C19orf18: variants seen among roughly 807,000 people sequenced by gnomAD.
C19orf18 encodes uncharacterized protein C19orf18.
Under a neutral mutation model 23.3 loss-of-function variants are expected in C19orf18, and 21 were observed. The ratio of observed to expected loss-of-function variants is 0.90; its 90% CI spans 0.64 to 1.30. C19orf18 has a LOEUF of 1.30. Among genes scored for constraint, C19orf18 ranks in the 50% most tolerant of loss-of-function variants. The pLI, the probability that C19orf18 is intolerant of heterozygous loss-of-function variation, is 0.00. For missense variants in C19orf18, 249 were observed against 259.6 expected (o/e 0.96, Z 0.28); for synonymous variants, 96 against 95.2 (o/e 1.01, Z -0.05).
At chr19:57,958,841 T>C (rs2072846846) in intron 5 of C19orf18, 124 bp from the exon 6 acceptor site, 3 of 543,162 alleles carry the variant, frequency 5.5e-6, no homozygotes, top group South Asian at 5.3e-5. Flanking sequence ...AGAGGATTCA[T>C]AATGAATGTT....
chr19:57,966,501 A>G, intron 4 of C19orf18, 29 bp downstream of exon 4: 2 of 1,373,114 alleles, frequency 1.5e-6, no homozygotes, highest in East Asian at 2.3e-5. Context: ...TCATTTAAGG[A>G]CAGCAGATAT....
Position 57,961,541 on chromosome 19 carries a change from G to A in C19orf18, c.382C>T (p.Gln128Ter), listed in dbSNP as rs1457181135. ...AISYMIYRLA[Q>*]AEERQQLESL... is the part of the protein sequence containing the mutation. ...TCGAGCTGTTGTCTTTCCTCAGCCT[G>A]TGCCAGTCGACTGGAGAATGATATA... Residue 128 changes from glutamine (Q) to a stop codon, truncating the protein, a stop_gained, in exon 5 of 6, where the codon CAG (glutamine) becomes TAG (stop). Coordinates refer to ENST00000314391, the MANE Select transcript of C19orf18 (RefSeq NM_152474.5). LOFTEE classifies it high-confidence loss of function. The A allele has an allele frequency of 2.5e-6, 4 of 1,611,626 alleles. No individual in the cohort carries two copies. The highest frequency in any genetic ancestry group is 3.4e-6 in the Non-Finnish European group (4 of 1,179,406).
At position 57,974,396 on chromosome 19, in the gene C19orf18, A is replaced by G; in HGVS notation, c.37T>C (p.Leu13=). ...KVQSGFLILF[L]FLMECQLHLC... ...TGAAGTTGGCATTCCATTAAAAACA[A>G]AAACAAAATGAGGAAACCACTCTGA... Residue 13 remains leucine, a synonymous_variant, in exon 1 of 6, where the codon TTG becomes CTG. Transcript: ENST00000314391. 6.2e-7 allele frequency: 1 copy of G among 1,614,144 alleles called. No homozygotes were observed. Among genetic ancestry groups the G allele is most frequent in the Non-Finnish European group, 8.5e-7 (1 of 1,180,008 alleles).
intron 3 of C19orf18, among the ~76,000 whole-genome samples, chr19:57,969,586 AAAAAAAAAAACCAAG>A: frequency 6.9e-6 from 1 of 145,878 alleles, no homozygotes; most frequent in African/African-American, 2.5e-5. Flanking sequence ...AAAAAAAAAA[AAAAAAAAAAACCAAG>A]AAAAAAAACA....
intron 4 of C19orf18, among the ~76,000 whole-genome samples, chr19:57,965,655 G>A (rs1232141362): frequency 6.6e-6 from 1 of 152,132 alleles, no homozygotes; most frequent in African/African-American, 2.4e-5. Context: ...GGCTGAGGCA[G>A]GAGAATTGCT....
Position 57,969,252 on chromosome 19 carries a change from C to T in C19orf18, c.269-2620G>A, listed in dbSNP as rs945046458. Among the ~76,000 whole-genome samples the T allele has an allele frequency of 6.6e-5, 10 of 152,240 alleles. No homozygotes were observed. In the South Asian group the frequency reaches 2.1e-3, roughly 32 times the overall value. On this transcript the variant is annotated intron_variant, in intron 3 of 5. Transcript: ENST00000314391. Reference sequence around the variant, plus strand: ...TAAATCCCCCAGGTATATTTCAACACTCTAGGTTAAAAAGTAATTGCCAGC... The same window carrying T: ...TAAATCCCCCAGGTATATTTCAACATTCTAGGTTAAAAAGTAATTGCCAGC...
At chr19:57,961,229 C>T (rs998593100) in intron 5 of C19orf18, among the ~76,000 whole-genome samples, 162 bp downstream of exon 5, 3 of 145,314 alleles carry the variant, frequency 2.1e-5, no homozygotes, top group African/African-American at 5.2e-5. Flanking sequence ...AGTAAGAGTC[C>T]GTCTTAAAAA....
rs1331834348 is a variant in C19orf18, at chr19:57,974,193, C to T, written c.132G>A (p.Arg44=). 6.2e-7 allele frequency: 1 copy of T among 1,614,006 alleles called. No individual in the cohort carries two copies. The highest frequency in any genetic ancestry group is 8.5e-7 in the Non-Finnish European group (1 of 1,180,002). ...GNITGLPGSK[R]SQPPRNITKE... The stretch of plus-strand genomic sequence containing the variant: ...TGGTGATGTTTCTGGGTGGTTGTGA[C>T]CGTTTACTGCCTTGAAAAGAAAACT... Residue 44 remains arginine (R), a synonymous_variant, in exon 2 of 6, where the codon CGG becomes CGA. Coordinates refer to ENST00000314391, the MANE Select transcript of C19orf18 (RefSeq NM_152474.5).
chr19:57,971,697 G>A (rs1440175829), intron 3 of C19orf18, among the ~76,000 whole-genome samples: 1 of 152,016 alleles, frequency 6.6e-6, no homozygotes, highest in Admixed American at 6.6e-5. Context: ...TCTCGAACTC[G>A]TGACCTCAAG....
chr19:57,971,948 G>T (rs2072947462), intron 3 of C19orf18, among the ~76,000 whole-genome samples: 1 of 152,140 alleles, frequency 6.6e-6, no homozygotes, highest in African/African-American at 2.4e-5. Context: ...TAAAATGCTG[G>T]CTACATGTGA....
At chr19:57,958,821 T>C (rs1259041287) in intron 5 of C19orf18, 104 bp from the exon 6 acceptor site, 1 of 571,140 alleles carries the variant, frequency 1.8e-6, no homozygotes, top group Non-Finnish European at 3.0e-6. Flanking sequence ...GTACCAACAG[T>C]GGAATTTTCA....
rs59100128 is a variant in C19orf18 at position 57,969,566 on chromosome 19, G to GAAAAA, written c.268+2892_268+2896dup. ...TGAGACTCTGTCTTAAAAAAAAACA[G>GAAAAA]AAAAAAAAAAAAAAAAAAAAAAAAA... On this transcript the variant is annotated intron_variant, in intron 3 of 5. Transcript: ENST00000314391. Among the ~76,000 whole-genome samples the GAAAAA allele has an allele frequency of 1.5e-3, 69 of 46,502 alleles. 1 individual carries two copies. Among genetic ancestry groups the GAAAAA allele is most frequent in the African/African-American group, 4.6e-3 (48 of 10,532 alleles). The allele number at this position is 46,502 out of a possible 152,430, so 30.5% of individuals were successfully genotyped here.
chr19:57,965,067 T>C (rs964589526), intron 4 of C19orf18, among the ~76,000 whole-genome samples: 1 of 152,158 alleles, frequency 6.6e-6, no homozygotes, highest in Non-Finnish European at 1.5e-5. Context: ...TGGTCGCTCT[T>C]TTCTGCTGTG....
At chr19:57,962,106 C>A (rs1181548548) in intron 4 of C19orf18, among the ~76,000 whole-genome samples, 1 of 146,564 alleles carries the variant, frequency 6.8e-6, no homozygotes, top group Non-Finnish European at 1.5e-5. Flanking sequence ...TCATGGTTCA[C>A]TGCAGCTGCC....
intron 3 of C19orf18, among the ~76,000 whole-genome samples, chr19:57,967,294 C>T (rs1454198828): frequency 6.6e-6 from 1 of 152,124 alleles, no homozygotes; most frequent in African/African-American, 2.4e-5. Context: ...GAGAAATGGG[C>T]ACAGCTCCTG....
In C19orf18 at chr19:57,974,079, T is replaced by C. The variant is rs764459210; in HGVS notation, c.226+20A>G. 6.2e-7 allele frequency: 1 copy of C among 1,606,396 alleles called. No individual in the cohort carries two copies. Among genetic ancestry groups the C allele is most frequent in the Non-Finnish European group, 8.5e-7 (1 of 1,173,074 alleles). On this transcript the variant is annotated intron_variant, in intron 2 of 5. Transcript: ENST00000314391. ...AGGCTACGATTCTCACTCCACTGAA[T>C]GAGGAATTCAATGACTCACCCGTGG...
At chr19:57,968,829 C>G (rs78691512) in intron 3 of C19orf18, among the ~76,000 whole-genome samples, 8,132 of 152,106 alleles carry the variant, frequency 0.053, 319 homozygotes, top group Middle Eastern at 0.082. Context: ...CGAATAACTC[C>G]CCTACAAGCA....
intron 5 of C19orf18, among the ~76,000 whole-genome samples, chr19:57,959,670 C>T (rs142746513): frequency 3.8e-4 from 57 of 151,564 alleles, no homozygotes; most frequent in African/African-American, 1.3e-3. Flanking sequence ...GTGACATGCA[C>T]CGTAGTCCCA....
chr19:57,968,113 G>A (rs771607974), intron 3 of C19orf18, among the ~76,000 whole-genome samples: 4 of 152,274 alleles, frequency 2.6e-5, no homozygotes, highest in Admixed American at 6.5e-5. Flanking sequence ...AGCTTTGGTG[G>A]CTGGCGAGGG....
Sources: gnomAD v4.1 joint callset for allele counts (sites outside exome capture counted in the v4.1 genomes callset) on GRCh38, gnomAD v4.1.1 for gene constraint, MANE v1.5 for transcripts, NCBI Gene and HGNC (gene_info 2026-07-23, HGNC 2026-07-21) for gene names.